Variants in QRFPR observed in about 807,000 individuals in gnomAD.
The protein encoded by QRFPR is pyroglutamylated RFamide peptide receptor, also known as pyroglutamylated RF-amide peptide receptor.
A neutral mutation model predicts 31.3 loss-of-function variants in QRFPR; 37 were observed. That is an observed-to-expected ratio of 1.18 (90% CI 0.91 to 1.56). QRFPR has a LOEUF of 1.56. Ranked by LOEUF, QRFPR falls within the 40% of genes most tolerant of loss-of-function variation. The pLI, the probability that QRFPR is intolerant of heterozygous loss-of-function variation, is 0.00. For missense variants in QRFPR, 542 were observed against 532.5 expected, an observed-to-expected ratio of 1.02 and a Z score of -0.18; for synonymous variants, 197 against 192.0, an observed-to-expected ratio of 1.03 and a Z score of -0.22.
intron 5 of QRFPR, 95 bp from the exon 6 acceptor site, chr4:121,329,809 A>G: frequency 1.1e-6 from 1 of 932,756 alleles, no homozygotes; most frequent in South Asian, 2.0e-5. Flanking sequence ...AACTTGTACA[A>G]GTATCTGAAG....
chr4:121,340,218 A>T, intron 2 of QRFPR: 1 of 496,010 alleles, frequency 2.0e-6, no homozygotes. Flanking sequence ...TTAAACGTTT[A>T]AGATGTAAAC....
intron 1 of QRFPR, among the ~76,000 whole-genome samples, chr4:121,368,708 C>T (rs691626): frequency 0.065 from 8,916 of 136,434 alleles, 743 homozygotes; most frequent in Middle Eastern, 0.11. Context: ...GGGCCAGAGT[C>T]GTCTCAGCCA....
intron 1 of QRFPR, among the ~76,000 whole-genome samples, chr4:121,342,285 C>T (rs968368445): frequency 6.6e-6 from 1 of 152,194 alleles, no homozygotes; most frequent in Non-Finnish European, 1.5e-5. Flanking sequence ...CTCAGGCCTG[C>T]AAGCTTGAAC....
At chr4:121,337,951 C>T (rs1032435991) in intron 2 of QRFPR, among the ~76,000 whole-genome samples, 3 of 152,122 alleles carry the variant, frequency 2.0e-5, no homozygotes, top group African/African-American at 7.2e-5. Context: ...GTTTCCAGCT[C>T]GAACTCTGCT....
chr4:121,342,958 C>G (rs939566479), intron 1 of QRFPR, among the ~76,000 whole-genome samples: 3 of 152,174 alleles, frequency 2.0e-5, no homozygotes, highest in Non-Finnish European at 4.4e-5. Flanking sequence ...TTGACAGAAG[C>G]CTTCATGTCA....
chr4:121,359,118 A>C (rs1256682988), intron 1 of QRFPR, among the ~76,000 whole-genome samples: 1 of 152,194 alleles, frequency 6.6e-6, no homozygotes, highest in African/African-American at 2.4e-5. Flanking sequence ...TTACAAAGGA[A>C]GTAAGTATTC....
chr4:121,358,706 C>A (rs1042094356), intron 1 of QRFPR, among the ~76,000 whole-genome samples: 3 of 152,180 alleles, frequency 2.0e-5, no homozygotes, highest in African/African-American at 7.2e-5. Flanking sequence ...CCTCTTTACT[C>A]TTTCCTGCTC....
At chr4:121,347,431 G>T (rs1212373968) in intron 1 of QRFPR, among the ~76,000 whole-genome samples, 1 of 151,990 alleles carries the variant, frequency 6.6e-6, no homozygotes, top group Non-Finnish European at 1.5e-5. Context: ...TGGGCTATTG[G>T]TTCACTTTTG....
At position 121,345,892 on chromosome 4, in the gene QRFPR, C is replaced by T. The variant is rs568474194; in HGVS notation, c.341-5282G>A. Among the ~76,000 whole-genome samples the T allele has an allele frequency of 5.9e-5, 9 of 152,130 alleles. No individual in the cohort carries two copies. In the South Asian group the frequency reaches 1.2e-3, roughly 21 times the overall value. On this transcript the variant is annotated intron_variant, in intron 1 of 5. Coordinates refer to ENST00000394427, the MANE Select transcript of QRFPR (RefSeq NM_198179.3). ...AATTGAAAACAGTTTGGGCAGTGTT[C>T]GTATTCACTTTAGTGTGTAACAGGG...
chr4:121,380,942 G>T lies in QRFPR; in HGVS notation c.-295C>A. 2.8e-6 allele frequency: 1 copy of T among 360,716 alleles called. No homozygotes were observed. The highest frequency in any genetic ancestry group is 5.0e-6 in the Non-Finnish European group (1 of 200,544). 22.3% of individuals were successfully genotyped at this position (360,716 alleles called of 1,614,324 possible). On this transcript the variant is annotated 5_prime_UTR_variant, in exon 1 of 6. It introduces an in-frame stop codon into an upstream open reading frame of the 5' UTR. Coordinates refer to ENST00000394427, the MANE Select transcript of QRFPR (RefSeq NM_198179.3). ...TTCTTCCCTTGCTCTTCCCTAAGGC[G>T]AGGCGCCGCCACGGTCTGGGGTGCT...
At chr4:121,333,217 A>G (rs1365897074) in intron 3 of QRFPR, among the ~76,000 whole-genome samples, 161 bp from the exon 4 acceptor site, 1 of 152,192 alleles carries the variant, frequency 6.6e-6, no homozygotes, top group African/African-American at 2.4e-5. Context: ...TTTGTTGTGA[A>G]GCATAGTTTT....
chr4:121,348,634 A>G (rs562899999), intron 1 of QRFPR, among the ~76,000 whole-genome samples: 29 of 152,184 alleles, frequency 1.9e-4, no homozygotes, highest in Non-Finnish European at 3.7e-4. Context: ...CAAAATAATA[A>G]GGAAAGTAAG....
rs369386130 is a variant in QRFPR at position 121,345,271 on chromosome 4, T to C, written c.341-4661A>G. ...CACGTGCTCACCAGATCATAAGTGC[T>C]AATAGGTCACTGCTGAGTTATGGCT... On this transcript the variant is annotated intron_variant, in intron 1 of 5. Transcript: ENST00000394427. Among the ~76,000 whole-genome samples, 28 of 152,340 alleles carry C rather than the reference T, an allele frequency of 1.8e-4. No homozygotes were observed. In the East Asian group the frequency reaches 4.6e-3, roughly 25 times the overall value.
chr4:121,342,260 A>G (rs576188971), intron 1 of QRFPR, among the ~76,000 whole-genome samples: 34 of 152,222 alleles, frequency 2.2e-4, no homozygotes, highest in African/African-American at 6.7e-4. Context: ...ACCTACACCA[A>G]CAACTCCCTG....
chr4:121,359,659 A>G (rs6845341), intron 1 of QRFPR, among the ~76,000 whole-genome samples: 1,227 of 69,740 alleles, frequency 0.018, 8 homozygotes, highest in Middle Eastern at 0.039. Context: ...ATATATGTGT[A>G]TATATATATA....
chr4:121,356,884 G>A (rs548090415), intron 1 of QRFPR, among the ~76,000 whole-genome samples: 2 of 152,086 alleles, frequency 1.3e-5, no homozygotes, highest in Non-Finnish European at 2.9e-5. Context: ...CTTGTCCAGG[G>A]TCTCTGAATC....
At chr4:121,374,129 A>G (rs1726304522) in intron 1 of QRFPR, among the ~76,000 whole-genome samples, 1 of 152,196 alleles carries the variant, frequency 6.6e-6, no homozygotes, top group Non-Finnish European at 1.5e-5. Flanking sequence ...TATGTCTTAT[A>G]TTCCAATCTT....
At chr4:121,365,611 ATTATATATAT>A (rs1726110830) in intron 1 of QRFPR, among the ~76,000 whole-genome samples, 1 of 8,818 alleles carries the variant, frequency 1.1e-4, no homozygotes, top group Non-Finnish European at 2.0e-4. Context: ...TAATATATAT[ATTATATATAT>A]TATATATTAT....
chr4:121,329,172 C>T lies in QRFPR; in HGVS notation c.*142G>A. The T allele has an allele frequency of 3.1e-6, 2 of 651,678 alleles. No individual in the cohort carries two copies. Among genetic ancestry groups the T allele is most frequent in the Non-Finnish European group, 5.0e-6 (2 of 397,678 alleles). The allele number at this position is 651,678 out of a possible 1,614,324, so 40.4% of individuals were successfully genotyped here. ...AACATCACTGCACTTGGACTAGCCT[C>T]GTGTCATTTTTTAATGGAAACATGA... On this transcript the variant is annotated 3_prime_UTR_variant, in exon 6 of 6. Transcript: ENST00000394427.
Sources: gnomAD v4.1 joint callset for allele counts (sites outside exome capture counted in the v4.1 genomes callset) on GRCh38, gnomAD v4.1.1 for gene constraint, MANE v1.5 for transcripts, NCBI Gene and HGNC (gene_info 2026-07-23, HGNC 2026-07-21) for gene names.